Variants in SPOCK1 observed in about 807,000 individuals in gnomAD.
The protein encoded by SPOCK1 is testican-1.
In SPOCK1, 23 loss-of-function variants were observed where a neutral mutation model predicts 55.3. The observed-to-expected ratio is 0.42, with a 90% CI of 0.30 to 0.59. The LOEUF is 0.59. SPOCK1 is among the 20% of genes least tolerant of loss of function. The pLI is 0.22. For synonymous variants in SPOCK1, 226 were observed against 221.0 expected, an observed-to-expected ratio of 1.02 and a Z score of -0.20; for missense variants, 499 against 552.5, an observed-to-expected ratio of 0.90 and a Z score of 0.97.
At chr5:137,308,798 G>A (rs1474104542) in intron 2 of SPOCK1, among the ~76,000 whole-genome samples, 2 of 152,128 alleles carry the variant, frequency 1.3e-5, no homozygotes, top group Non-Finnish European at 2.9e-5. Flanking sequence ...CCATCCTATG[G>A]AGTACTCAGC....
At chr5:137,124,194 C>T (rs1239469832) in intron 4 of SPOCK1, among the ~76,000 whole-genome samples, 2 of 152,162 alleles carry the variant, frequency 1.3e-5, no homozygotes, top group African/African-American at 4.8e-5. Flanking sequence ...TCACATATTT[C>T]AATTAGTTTG....
At chr5:137,358,422 GAGGA>G (rs1561514368) in intron 2 of SPOCK1, among the ~76,000 whole-genome samples, 9 of 120,082 alleles carry the variant, frequency 7.5e-5, no homozygotes, top group Admixed American at 2.7e-4. Context: ...AGGAAGGAAG[GAGGA>G]AAGAAAGAAA....
chr5:137,039,134 G>T (rs1468305395), intron 6 of SPOCK1, among the ~76,000 whole-genome samples: 1 of 152,040 alleles, frequency 6.6e-6, no homozygotes, highest in Non-Finnish European at 1.5e-5. Context: ...AACTCCACGA[G>T]GAGGTATTGT....
chr5:137,370,925 G>A (rs1404335148), intron 2 of SPOCK1, among the ~76,000 whole-genome samples: 1 of 152,206 alleles, frequency 6.6e-6, no homozygotes, highest in Admixed American at 6.5e-5. Flanking sequence ...CTGACACAAA[G>A]GGACAGCCTG....
At chr5:137,351,426 G>T (rs1208149224) in intron 2 of SPOCK1, among the ~76,000 whole-genome samples, 1 of 152,206 alleles carries the variant, frequency 6.6e-6, no homozygotes, top group Non-Finnish European at 1.5e-5. Flanking sequence ...TCATCATTCT[G>T]CTGATTCCAA....
chr5:137,297,851 T>C (rs1757518088), intron 2 of SPOCK1, among the ~76,000 whole-genome samples: 1 of 152,016 alleles, frequency 6.6e-6, no homozygotes, highest in African/African-American at 2.4e-5. Context: ...AGGAAAATGA[T>C]AGGAGAAAGT....
intron 5 of SPOCK1, among the ~76,000 whole-genome samples, chr5:137,096,979 G>C (rs1210674481): frequency 6.6e-6 from 1 of 152,198 alleles, no homozygotes; most frequent in Non-Finnish European, 1.5e-5. Flanking sequence ...CTCCCTCTCT[G>C]CATTATCTGA....
chr5:137,060,752 C>T (rs1561594776), intron 6 of SPOCK1, among the ~76,000 whole-genome samples: 2 of 152,200 alleles, frequency 1.3e-5, no homozygotes, highest in Admixed American at 6.5e-5. Flanking sequence ...CGCAGCTACC[C>T]TTTGCCTCAG....
At chr5:137,108,076 G>A (rs1328801817) in intron 5 of SPOCK1, among the ~76,000 whole-genome samples, 2 of 152,184 alleles carry the variant, frequency 1.3e-5, no homozygotes, top group Non-Finnish European at 2.9e-5. Flanking sequence ...TCCATGGGAT[G>A]GGAAGTCATT....
chr5:137,161,874 T>C (rs1754564291), intron 3 of SPOCK1, among the ~76,000 whole-genome samples: 1 of 152,188 alleles, frequency 6.6e-6, no homozygotes, highest in East Asian at 1.9e-4. Flanking sequence ...TACGTAAGAA[T>C]AAGATCCAAT....
At chr5:137,043,112 A>C (rs1409894843) in intron 6 of SPOCK1, among the ~76,000 whole-genome samples, 2 of 152,194 alleles carry the variant, frequency 1.3e-5, no homozygotes, top group Non-Finnish European at 2.9e-5. Context: ...AGTGTTCAAG[A>C]GTAGGTAAAT....
intron 2 of SPOCK1, among the ~76,000 whole-genome samples, chr5:137,427,890 C>A (rs1752666191): frequency 7.5e-6 from 1 of 132,648 alleles, no homozygotes; most frequent in African/African-American, 2.8e-5. Context: ...GCCTGGGTGA[C>A]AGAGCAAGAC....
rs534256795 is a variant in SPOCK1 at position 137,283,439 on chromosome 5, C to T, written c.187-16384G>A. Reference sequence around the variant, plus strand: ...CACTTAAGAACTAGCAGAGACCAGGCGCAGTGGCTCAGGCCTGTAATCCCA... The same window carrying T: ...CACTTAAGAACTAGCAGAGACCAGGTGCAGTGGCTCAGGCCTGTAATCCCA... On this transcript the variant is annotated intron_variant, in intron 2 of 10. Transcript: ENST00000394945. 2.1e-4 allele frequency among the ~76,000 whole-genome samples: 32 copies of T among 152,252 alleles called. No homozygotes were observed. The East Asian group carries it at 5.6e-3, about 27-fold the overall frequency.
At chr5:137,084,387 A>G (rs1456077574) in intron 5 of SPOCK1, among the ~76,000 whole-genome samples, 1 of 151,940 alleles carries the variant, frequency 6.6e-6, no homozygotes, top group Admixed American at 6.6e-5. Context: ...ATAACTTCCC[A>G]TTCAACCTGG....
intron 2 of SPOCK1, among the ~76,000 whole-genome samples, chr5:137,429,773 T>A (rs1365806264): frequency 6.6e-6 from 1 of 152,190 alleles, no homozygotes; most frequent in African/African-American, 2.4e-5. Context: ...AAGAGATCAA[T>A]CCATCTATAA....
Position 137,112,435 on chromosome 5 carries a change from C to T in SPOCK1, c.474G>A (p.Lys158=). The T allele has an allele frequency of 6.2e-7, 1 of 1,612,380 alleles. No homozygotes were observed. The highest frequency in any genetic ancestry group is 8.5e-7 in the Non-Finnish European group (1 of 1,179,542). The part of the protein sequence containing the change: ...CGSDGHSYTS[K]CKLEFHACST... The stretch of plus-strand genomic sequence containing the variant: ...AACATAAAAAGACAAGAAAACCAAC[C>T]TTGGATGTGTAGGAGTGGCCATCTG... Residue 158 remains lysine, a splice_region_variant and synonymous_variant, in exon 5 of 11, where the codon AAG becomes AAA. Coordinates refer to ENST00000394945, the MANE Select transcript of SPOCK1 (RefSeq NM_004598.4).
intron 4 of SPOCK1, among the ~76,000 whole-genome samples, chr5:137,133,064 G>T (rs796666116): frequency 6.6e-5 from 10 of 152,124 alleles, no homozygotes; most frequent in Admixed American, 2.0e-4. Flanking sequence ...GTCTTCTTTT[G>T]TTATTTTTAA....
intron 5 of SPOCK1, among the ~76,000 whole-genome samples, chr5:137,096,482 C>T (rs1158253326): frequency 6.6e-6 from 1 of 152,108 alleles, no homozygotes; most frequent in Non-Finnish European, 1.5e-5. Flanking sequence ...CCATCCTGGG[C>T]TGGGCTTGTG....
chr5:137,418,593 T>A lies in SPOCK1; in HGVS notation c.186+79780A>T, dbSNP rs188758073. On this transcript the variant is annotated intron_variant, in intron 2 of 10. Coordinates refer to ENST00000394945, the MANE Select transcript of SPOCK1 (RefSeq NM_004598.4). ...TTTTTTCATGTGTCTTTTGGCTGCATGAATGTCTTTTTTTGAGAAGTGTCT... is the reference window on the plus strand; with the variant it reads ...TTTTTTCATGTGTCTTTTGGCTGCAAGAATGTCTTTTTTTGAGAAGTGTCT... 5.8e-4 allele frequency among the ~76,000 whole-genome samples: 89 copies of A among 152,394 alleles called. 1 individual carries two copies. The South Asian group carries it at 0.011, about 19-fold the overall frequency.
Sources: gnomAD v4.1 joint callset for allele counts (sites outside exome capture counted in the v4.1 genomes callset) on GRCh38, gnomAD v4.1.1 for gene constraint, MANE v1.5 for transcripts, NCBI Gene and HGNC (gene_info 2026-07-23, HGNC 2026-07-21) for gene names.